Variants in PIK3CB observed in about 807,000 individuals in gnomAD.
PIK3CB encodes phosphatidylinositol-4,5-bisphosphate 3-kinase catalytic subunit beta.
Under a neutral mutation model 136.8 loss-of-function variants are expected in PIK3CB, and 39 were observed. The observed-to-expected ratio is 0.29, with a 90% CI of 0.22 to 0.37. The LOEUF (loss-of-function observed/expected upper bound fraction) is 0.37, where lower values mean the gene tolerates loss of function less well. Ranked by LOEUF, PIK3CB falls within the 10% of genes least tolerant of loss-of-function variation. The pLI, the probability that PIK3CB is intolerant of heterozygous loss-of-function variation, is 1.00. For missense variants in PIK3CB, 868 were observed against 1,275.4 expected (o/e 0.68, Z 4.87); for synonymous variants, 428 against 436.6 (o/e 0.98, Z 0.25).
At chr3:138,718,671 A>C (rs1420970470) in intron 8 of PIK3CB, among the ~76,000 whole-genome samples, 3 of 152,180 alleles carry the variant, frequency 2.0e-5, no homozygotes, top group African/African-American at 7.2e-5. Context: ...AAGTAAATAT[A>C]AGTGTACATT....
chr3:138,669,598 T>C (rs1463514484), intron 19 of PIK3CB, among the ~76,000 whole-genome samples: 1 of 152,134 alleles, frequency 6.6e-6, no homozygotes, highest in Admixed American at 6.5e-5. Context: ...AGCCAGCCTA[T>C]AAGATTTGCT....
intron 2 of PIK3CB, among the ~76,000 whole-genome samples, chr3:138,772,026 T>G (rs1039317417): frequency 6.6e-6 from 1 of 151,934 alleles, no homozygotes; most frequent in African/African-American, 2.4e-5. Context: ...CAGAAAAAGT[T>G]TCATGTATAA....
intron 2 of PIK3CB, among the ~76,000 whole-genome samples, chr3:138,765,990 TA>T (rs1475037955): frequency 1.3e-5 from 2 of 151,934 alleles, no homozygotes; most frequent in African/African-American, 4.9e-5. Flanking sequence ...AAGAATAAAG[TA>T]AAAAATATTA....
rs566306596 is a variant in PIK3CB, at chr3:138,660,437, T to C, written c.2797-2602A>G. Among the ~76,000 whole-genome samples the C allele has an allele frequency of 7.2e-5, 11 of 152,368 alleles. 1 individual carries two copies. The South Asian group carries it at 2.3e-3, about 32-fold the overall frequency. Reference sequence around the variant, plus strand: ...AAAATCACCCTCTGTTTACTGCAGTTACCCTGTTTTCCCAGAGTTCTTTTC... The same window carrying C: ...AAAATCACCCTCTGTTTACTGCAGTCACCCTGTTTTCCCAGAGTTCTTTTC... On this transcript the variant is annotated intron_variant, in intron 21 of 23. Coordinates refer to ENST00000674063, the MANE Select transcript of PIK3CB (RefSeq NM_006219.3).
Position 138,712,284 on chromosome 3 carries a change from T to C in PIK3CB, c.1323A>G (p.Val441=), listed in dbSNP as rs1444911561. 1.8e-5 allele frequency: 28 copies of C among 1,563,084 alleles called. No individual in the cohort carries two copies. Among genetic ancestry groups the C allele is most frequent in the Non-Finnish European group, 2.3e-5 (26 of 1,144,758 alleles). The change falls in exon 10 of 24, where the codon GTA becomes GTG. Residue 441 remains valine (V), a synonymous_variant. Transcript: ENST00000674063. ...CTTTAAAGTCAAAAACCATCGTATT[T>C]ACCCACGCTACAGGATAATGCTGTT... ...AGKVHYPVAW[V]NTMVFDFKGQ... is the part of the protein sequence containing the mutation.
chr3:138,775,540 T>C (rs981261854), intron 2 of PIK3CB, among the ~76,000 whole-genome samples: 7 of 151,956 alleles, frequency 4.6e-5, no homozygotes, highest in Admixed American at 1.3e-4. Flanking sequence ...AAAAGGGAAA[T>C]ACAGAGTACC....
chr3:138,796,593 T>C (rs2046111715), intron 1 of PIK3CB, 26 bp from the exon 2 acceptor site: 1 of 152,146 alleles, frequency 6.6e-6, no homozygotes, highest in African/African-American at 2.4e-5. Flanking sequence ...AAGACAAAAG[T>C]ATTAATCTAA....
At chr3:138,703,546 A>C (rs947822348) in intron 12 of PIK3CB, among the ~76,000 whole-genome samples, 2 of 151,050 alleles carry the variant, frequency 1.3e-5, no homozygotes, top group Non-Finnish European at 2.9e-5. Flanking sequence ...GATGGTATAC[A>C]TATTTATATA....
intron 16 of PIK3CB, 22 bp from the exon 17 acceptor site, chr3:138,684,825 C>A (rs3730060): frequency 6.3e-6 from 10 of 1,576,108 alleles, no homozygotes; most frequent in Non-Finnish European, 8.7e-6. Flanking sequence ...GTTCCCCACA[C>A]CAAAAATTCA....
intron 19 of PIK3CB, among the ~76,000 whole-genome samples, chr3:138,681,052 G>GT (rs61348148): frequency 0.026 from 3,637 of 139,254 alleles, 107 homozygotes; most frequent in Non-Finnish European, 0.041. Flanking sequence ...TTTTTTTTTT[G>GT]TTTTTTTTTT....
chr3:138,654,507 T>C lies in PIK3CB; in HGVS notation c.*882A>G, dbSNP rs2043160553. 1 of 228,250 alleles carries C rather than the reference T, an allele frequency of 4.4e-6. No homozygotes were observed. Among genetic ancestry groups the C allele is most frequent in the Admixed American group, 5.7e-5 (1 of 17,608 alleles). The allele number at this position is 228,250 out of a possible 1,614,324, so 14.1% of individuals were successfully genotyped here. On this transcript the variant is annotated 3_prime_UTR_variant, in exon 24 of 24. Coordinates refer to ENST00000674063, the MANE Select transcript of PIK3CB (RefSeq NM_006219.3). ...GGTTTCTTTTCATTTGCTTGCTTTCTTGGATACATTTGCTCAAGTATTATT... is the reference window on the plus strand; with the variant it reads ...GGTTTCTTTTCATTTGCTTGCTTTCCTGGATACATTTGCTCAAGTATTATT...
chr3:138,740,902 C>T (rs1559854389), intron 5 of PIK3CB, among the ~76,000 whole-genome samples: 1 of 152,102 alleles, frequency 6.6e-6, no homozygotes, highest in Non-Finnish European at 1.5e-5. Context: ...GTTCAGCCTC[C>T]CAAAGTGGCT....
chr3:138,691,024 C>T lies in PIK3CB; in HGVS notation c.2012G>A (p.Gly671Glu). Residue 671 changes from glycine (G) to glutamate (E), a missense_variant, in exon 15 of 24, where the codon GGG (glycine) becomes GAG (glutamate). Physicochemically the swap from Gly to Glu is moderately conservative, Grantham distance 98. Transcript: ENST00000674063. ...LERALGNRRI[G>E]QFLFWHLRSE... Reference sequence around the variant, plus strand: ...CCTAAGATGCCAAAATAGAAACTGCCCTATCCTCCGATTACCAAGTGCTCT... The same window carrying T: ...CCTAAGATGCCAAAATAGAAACTGCTCTATCCTCCGATTACCAAGTGCTCT... 6.2e-7 allele frequency: 1 copy of T among 1,612,782 alleles called. No homozygotes were observed. Among genetic ancestry groups the T allele is most frequent in the Non-Finnish European group, 8.5e-7 (1 of 1,179,292 alleles).
At chr3:138,690,489 G>A (rs925258460) in intron 15 of PIK3CB, among the ~76,000 whole-genome samples, 3 of 151,938 alleles carry the variant, frequency 2.0e-5, no homozygotes, top group Non-Finnish European at 4.4e-5. Context: ...TAAGGTTCGT[G>A]TATTTCTGGA....
Position 138,763,121 on chromosome 3 carries a change from A to AGTATGTATGTAT in PIK3CB, c.-16-3774_-16-3763dup, listed in dbSNP as rs111529463. Among the ~76,000 whole-genome samples, 808 of 149,648 alleles carry AGTATGTATGTAT rather than the reference A, an allele frequency of 5.4e-3. 9 individuals carry two copies. The highest frequency in any genetic ancestry group is 0.045 in the Middle Eastern group (13 of 292). On this transcript the variant is annotated intron_variant, in intron 2 of 23. Coordinates refer to ENST00000674063, the MANE Select transcript of PIK3CB (RefSeq NM_006219.3). ...AAAAGCTGGAGGAAAAATGAAAGTT[A>AGTATGTATGTAT]GTATGTATGTATGTATGTATGTATG... is the stretch of plus-strand genomic sequence containing the variant.
intron 2 of PIK3CB, 79 bp downstream of exon 2, chr3:138,796,384 C>CAAAAAA (rs71626081): frequency 7.5e-5 from 5 of 66,680 alleles, no homozygotes; most frequent in Non-Finnish European, 1.1e-4. Flanking sequence ...GACTCCACCT[C>CAAAAAA]AAAAAAAAAA....
Position 138,657,840 on chromosome 3 carries a change from A to T in PIK3CB, c.2797-5T>A. 16 of 1,602,666 alleles carry T rather than the reference A, an allele frequency of 1.0e-5. No individual in the cohort carries two copies. Among genetic ancestry groups the T allele is most frequent in the Non-Finnish European group, 1.3e-5 (15 of 1,176,372 alleles). On this transcript the variant is annotated splice_polypyrimidine_tract_variant and splice_region_variant and intron_variant, in intron 21 of 23. Transcript: ENST00000674063. ...TCCAAAGTCAATGTGGAAGAGCTGG[A>T]AAACAAATGGGATTTAATTTCCTTC...
At chr3:138,655,635 C>T in intron 23 of PIK3CB, 109 bp from the exon 24 acceptor site, 1 of 773,088 alleles carries the variant, frequency 1.3e-6, no homozygotes, top group East Asian at 2.5e-5. Flanking sequence ...CACCATCAGG[C>T]AGCATGCTTC....
chr3:138,782,654 C>A (rs183917359), intron 2 of PIK3CB, among the ~76,000 whole-genome samples: 338 of 152,286 alleles, frequency 2.2e-3, no homozygotes, highest in Non-Finnish European at 3.0e-3. Context: ...GTGGAAATGA[C>A]CTGTGTCACT....
Sources: allele counts gnomAD v4.1 joint callset (sites outside exome capture counted in the v4.1 genomes callset), GRCh38; gene constraint gnomAD v4.1.1; transcripts MANE v1.5; gene names NCBI Gene and HGNC (gene_info 2026-07-23, HGNC 2026-07-21).